Variants in ASPHD2 observed in about 807,000 individuals in gnomAD.
The protein encoded by ASPHD2 is aspartate beta-hydroxylase domain-containing protein 2.
In ASPHD2, 12 loss-of-function variants were observed where a neutral mutation model predicts 34.6. The observed-to-expected ratio is 0.35, with a 90% CI of 0.22 to 0.56. The LOEUF is 0.56. ASPHD2 is among the 20% of genes least tolerant of loss of function. ASPHD2 has a pLI of 0.87. For synonymous variants in ASPHD2, 224 were observed against 212.2 expected (o/e 1.06, Z -0.48); for missense variants, 375 against 505.0 (o/e 0.74, Z 2.47).
At chr22:26,438,652 C>CATATATATATATACATAAAT (rs1568984156) in intron 2 of ASPHD2, among the ~76,000 whole-genome samples, 1 of 122,568 alleles carries the variant, frequency 8.2e-6, no homozygotes, top group Non-Finnish European at 1.7e-5. Context: ...TATACACATA[C>CATATATATATATACATAAAT]ATATATATAT....
At chr22:26,440,687 C>T (rs1194727035) in intron 2 of ASPHD2, among the ~76,000 whole-genome samples, 1 of 152,180 alleles carries the variant, frequency 6.6e-6, no homozygotes, top group Non-Finnish European at 1.5e-5. Context: ...TGAACCTAAG[C>T]CATTACCTTA....
rs138309379 is a variant in ASPHD2, at chr22:26,433,879, C to G, written c.264C>G (p.Ser88=). 5.0e-6 allele frequency: 8 copies of G among 1,613,714 alleles called. No homozygotes were observed. The highest frequency in any genetic ancestry group is 6.8e-6 in the Non-Finnish European group (8 of 1,180,046). ...VGREQPRPYV[S]VNSLMQAADA... is the part of the protein sequence containing the mutation. ...GGGAGCAGCCCCGGCCCTACGTCTC[C>G]GTCAACTCCCTCATGCAGGCTGCCG... The change falls in exon 2 of 4, where the codon TCC becomes TCG. Residue 88 remains serine, a synonymous_variant. Coordinates refer to ENST00000215906, the MANE Select transcript of ASPHD2 (RefSeq NM_020437.5). The surrounding 1 kb of genome is among the most constrained non-coding windows in gnomAD (Gnocchi z 5.1).
intron 2 of ASPHD2, among the ~76,000 whole-genome samples, chr22:26,438,478 T>C (rs1035339875): frequency 4.3e-4 from 47 of 109,222 alleles, no homozygotes; most frequent in African/African-American, 1.3e-3. Flanking sequence ...CACATATATA[T>C]ACATATATAT....
At position 26,433,080 on chromosome 22, in the gene ASPHD2, T is replaced by G. The variant is rs1366098044; in HGVS notation, c.-224-312T>G. 6.6e-6 allele frequency among the ~76,000 whole-genome samples: 1 copy of G among 152,218 alleles called. No individual in the cohort carries two copies. Among genetic ancestry groups the G allele is most frequent in the East Asian group, 1.9e-4 (1 of 5,198 alleles). On this transcript the variant is annotated intron_variant, in intron 1 of 3. Coordinates refer to ENST00000215906, the MANE Select transcript of ASPHD2 (RefSeq NM_020437.5). The surrounding 1 kb of genome is among the most constrained non-coding windows in gnomAD (Gnocchi z 5.1). Reference sequence around the variant, plus strand: ...ATGGGGTTTGAGTCTCTGCCCTGGCTGTATAACTCTCGTGAGTTATGTAAC... The same window carrying G: ...ATGGGGTTTGAGTCTCTGCCCTGGCGGTATAACTCTCGTGAGTTATGTAAC...
At chr22:26,441,659 C>T (rs912554239) in intron 2 of ASPHD2, among the ~76,000 whole-genome samples, 21 of 152,030 alleles carry the variant, frequency 1.4e-4, no homozygotes, top group African/African-American at 4.8e-4. Context: ...GGTGCAGTGG[C>T]TCACGCCTGT....
intron 2 of ASPHD2, among the ~76,000 whole-genome samples, chr22:26,441,478 T>TTAAA (rs1555883502): frequency 0.13 from 12,039 of 95,650 alleles, 1,018 homozygotes; most frequent in South Asian, 0.39. Context: ...ACCTTGTATC[T>TTAAA]AAAAAAAAAA....
Position 26,443,118 on chromosome 22 carries a change from G to T in ASPHD2, c.1022G>T (p.Arg341Leu), listed in dbSNP as rs138986249. Residue 341 changes from arginine to leucine, a missense_variant, in exon 4 of 4, where the codon CGG becomes CTG. Arg to Leu is a moderately radical substitution (Grantham distance 102). Around this residue, in one of 3 missense-constraint regions of ASPHD2, gnomAD observed 142 missense variants for 217.9 expected, o/e 0.65. Coordinates refer to ENST00000215906, the MANE Select transcript of ASPHD2 (RefSeq NM_020437.5). The stretch of plus-strand genomic sequence containing the variant: ...CCAGGTTCAGCAGAGGATGGCCCAC[G>T]GGTGGTTTTCATGGTGGATTTGTGG... ...FHEGSAEDGP[R>L]VVFMVDLWHP... 1.2e-6 allele frequency: 2 copies of T among 1,614,040 alleles called. No homozygotes were observed. Among genetic ancestry groups the T allele is most frequent in the African/African-American group, 1.3e-5 (1 of 74,912 alleles).
chr22:26,431,426 A>C (rs932149190), intron 1 of ASPHD2, among the ~76,000 whole-genome samples: 91 of 152,072 alleles, frequency 6.0e-4, no homozygotes, highest in Non-Finnish European at 1.1e-3. Flanking sequence ...AGAAAAAAAA[A>C]AAAAAACAAA....
chr22:26,438,584 T>TATATACAC (rs2084813241), intron 2 of ASPHD2, among the ~76,000 whole-genome samples: 1 of 145,008 alleles, frequency 6.9e-6, no homozygotes, highest in Non-Finnish European at 1.5e-5. Context: ...TATATATACA[T>TATATACAC]ACATATATAT....
chr22:26,442,304 A>G (rs1457136431), intron 2 of ASPHD2, among the ~76,000 whole-genome samples, 155 bp from the exon 3 acceptor site: 1 of 152,190 alleles, frequency 6.6e-6, no homozygotes, highest in African/African-American at 2.4e-5. Flanking sequence ...ACACAAGCCC[A>G]CAAGCCTTCA....
At position 26,434,293 on chromosome 22, in the gene ASPHD2, G is replaced by C. The variant is rs554601838; in HGVS notation, c.678G>C (p.Gly226=). 3 of 1,614,198 alleles carry C rather than the reference G, an allele frequency of 1.9e-6. No homozygotes were observed. In the South Asian group the frequency reaches 3.3e-5, roughly 18 times the overall value. ...GGAAAATGAACAGCACCCCCAGCGG[G>C]GAGTGGTTCACCTTTTACTTGGTCA... is the stretch of plus-strand genomic sequence containing the variant. ...QGWKMNSTPS[G]EWFTFYLVNQ... Residue 226 remains glycine, a synonymous_variant, in exon 2 of 4, where the codon GGG becomes GGC. Transcript: ENST00000215906.
rs1003813894 is a variant in ASPHD2 at position 26,443,269 on chromosome 22, C to T, written c.*63C>T. Reference sequence around the variant, plus strand: ...GGCGGGGCCTGGGCAGACTGTGGTCCGGTCCAGTCCCTACCGGTGTTGTTT... The same window carrying T: ...GGCGGGGCCTGGGCAGACTGTGGTCTGGTCCAGTCCCTACCGGTGTTGTTT... On this transcript the variant is annotated 3_prime_UTR_variant, in exon 4 of 4. Coordinates refer to ENST00000215906, the MANE Select transcript of ASPHD2 (RefSeq NM_020437.5). 6.0e-5 allele frequency: 82 copies of T among 1,362,776 alleles called. No individual in the cohort carries two copies. The highest frequency in any genetic ancestry group is 2.1e-4 in the African/African-American group (15 of 69,810). The allele number at this position is 1,362,776 out of a possible 1,614,324, so 84.4% of individuals were successfully genotyped here. A position where few individuals can be genotyped will look rare whatever the true frequency, so the allele number is the denominator to read the frequency against.
At chr22:26,441,353 C>T (rs1358774644) in intron 2 of ASPHD2, among the ~76,000 whole-genome samples, 1 of 151,990 alleles carries the variant, frequency 6.6e-6, no homozygotes, top group African/African-American at 2.4e-5. Context: ...TGGTGCACAC[C>T]TATAGTCTCA....
intron 2 of ASPHD2, among the ~76,000 whole-genome samples, chr22:26,435,564 T>C (rs551291179): frequency 6.6e-6 from 1 of 152,228 alleles, no homozygotes; most frequent in Middle Eastern, 3.4e-3. Context: ...CATAACCACG[T>C]TCTGCAGAGG....
Position 26,434,239 on chromosome 22 carries a change from T to G in ASPHD2, c.624T>G (p.Ala208=). 1 of 1,614,168 alleles carries G rather than the reference T, an allele frequency of 6.2e-7. No individual in the cohort carries two copies. Among genetic ancestry groups the G allele is most frequent in the Non-Finnish European group, 8.5e-7 (1 of 1,180,016 alleles). ...ILCEFETLYK[A]FSNCSLPQGW... is the part of the protein sequence containing the mutation. The stretch of plus-strand genomic sequence containing the variant: ...GTGAGTTTGAGACCCTCTACAAAGC[T>G]TTCTCAAACTGCAGCCTCCCGCAAG... The change falls in exon 2 of 4, where the codon GCT becomes GCG. Residue 208 remains alanine (A), a synonymous_variant. Coordinates refer to ENST00000215906, the MANE Select transcript of ASPHD2 (RefSeq NM_020437.5).
rs2084867108 is a variant in ASPHD2, at chr22:26,443,138, T to A, written c.1042T>A (p.Leu348Met). 6.2e-7 allele frequency: 1 copy of A among 1,613,996 alleles called. No homozygotes were observed. Among genetic ancestry groups the A allele is most frequent in the Non-Finnish European group, 8.5e-7 (1 of 1,180,016 alleles). ...CCCACGGGTGGTTTTCATGGTGGAT[T>A]TGTGGCATCCAAACGTCGCAGCGGC... ...DGPRVVFMVD[L>M]WHPNVAAAER... Residue 348 changes from leucine to methionine, a missense_variant, in exon 4 of 4, where the codon TTG becomes ATG. Leu to Met is a conservative substitution (Grantham distance 15). This residue lies in a region of ASPHD2 where 142 missense variants were observed against 217.9 expected (regional missense o/e 0.65). Transcript: ENST00000215906.
At chr22:26,441,664 G>A (rs1351756870) in intron 2 of ASPHD2, among the ~76,000 whole-genome samples, 4 of 151,920 alleles carry the variant, frequency 2.6e-5, no homozygotes, top group Admixed American at 1.3e-4. Context: ...AGTGGCTCAC[G>A]CCTGTAATCC....
In ASPHD2 at chr22:26,444,564, T is replaced by C. The variant is rs1232609094; in HGVS notation, c.*1358T>C. ...CCGGCCAGCCACACTAGAGATGCCT[T>C]TTCTGAATAATGTATTATGAGCAGT... On this transcript the variant is annotated 3_prime_UTR_variant, in exon 4 of 4. Coordinates refer to ENST00000215906, the MANE Select transcript of ASPHD2 (RefSeq NM_020437.5). The C allele has an allele frequency of 6.6e-6, 1 of 152,258 alleles. No individual in the cohort carries two copies. The highest frequency in any genetic ancestry group is 1.5e-5 in the Non-Finnish European group (1 of 68,044). The allele number at this position is 152,258 out of a possible 1,614,324, so 9.4% of individuals were successfully genotyped here.
rs377727445 is a variant in ASPHD2, at chr22:26,433,603, C to A, written c.-13C>A. ...CCTGCCCCAGCCGCTCCTTCCCCCCCACGCTAATCTGCATGGTGTGGGCGC... is the reference window on the plus strand; with the variant it reads ...CCTGCCCCAGCCGCTCCTTCCCCCCAACGCTAATCTGCATGGTGTGGGCGC... On this transcript the variant is annotated 5_prime_UTR_variant, in exon 2 of 4. Coordinates refer to ENST00000215906, the MANE Select transcript of ASPHD2 (RefSeq NM_020437.5). The surrounding 1 kb of genome is among the most constrained non-coding windows in gnomAD (Gnocchi z 5.1). The A allele has an allele frequency of 1.3e-5, 21 of 1,604,362 alleles. No homozygotes were observed. The highest frequency in any genetic ancestry group is 1.7e-4 in the Middle Eastern group (1 of 6,018).
Sources: allele counts gnomAD v4.1 joint callset (sites outside exome capture counted in the v4.1 genomes callset), GRCh38; gene constraint gnomAD v4.1.1; regional missense constraint gnomAD v4.1.1; non-coding constraint Gnocchi (gnomAD v3.1); transcripts MANE v1.5; gene names NCBI Gene and HGNC (gene_info 2026-07-23, HGNC 2026-07-21).